Variants in LRTM2 observed in about 807,000 individuals in gnomAD.
The protein encoded by LRTM2 is leucine-rich repeat and transmembrane domain-containing protein 2.
Under a neutral mutation model 28.1 loss-of-function variants are expected in LRTM2, and 18 were observed. The observed-to-expected ratio is 0.64, with a 90% CI of 0.44 to 0.95. The LOEUF is 0.95. Ranked by LOEUF, LRTM2 falls within the 40% of genes least tolerant of loss-of-function variation. The pLI is 0.00. For missense variants in LRTM2, 436 were observed against 497.2 expected, an observed-to-expected ratio of 0.88 and a Z score of 1.17; for synonymous variants, 250 against 218.7, an observed-to-expected ratio of 1.14 and a Z score of -1.26.
At chr12:1,827,345 T>A (rs1864382896) in intron 1 of LRTM2, 65 bp from the exon 2 acceptor site, 1 of 152,866 alleles carries the variant, frequency 6.5e-6, no homozygotes, top group Non-Finnish European at 1.5e-5. Context: ...TCCTGCGCCC[T>A]GGCTGCCTCA....
intron 2 of LRTM2, chr12:1,827,849 A>G (rs1040624605): frequency 7.8e-5 from 28 of 357,678 alleles, no homozygotes; most frequent in Non-Finnish European, 2.5e-5. Context: ...GCTTTGCGGC[A>G]CTGTGCCCGA....
rs1469389297 is a variant in LRTM2, at chr12:1,829,406, G to A, written c.67+1191G>A. On this transcript the variant is annotated intron_variant, in intron 3 of 4. Transcript: ENST00000299194. This position sits in a 1 kb window ranked among gnomAD's most constrained non-coding sequence, Gnocchi z 4.2. ...CGGGCTCAGAGGGGTGAGAGGGTGAGCGGAGACATGAGGTAACCCAAGATG... is the reference window on the plus strand; with the variant it reads ...CGGGCTCAGAGGGGTGAGAGGGTGAACGGAGACATGAGGTAACCCAAGATG... Among the ~76,000 whole-genome samples the A allele has an allele frequency of 1.3e-5, 2 of 152,096 alleles. No homozygotes were observed. Among genetic ancestry groups the A allele is most frequent in the African/African-American group, 4.8e-5 (2 of 41,418 alleles).
At position 1,828,022 on chromosome 12, in the gene LRTM2, G is replaced by C. The variant is rs968017823; in HGVS notation, c.-73-54G>C. The C allele has an allele frequency of 6.4e-6, 5 of 777,426 alleles. No individual in the cohort carries two copies. Among genetic ancestry groups the C allele is most frequent in the Middle Eastern group, 3.9e-4 (1 of 2,540 alleles). The allele number at this position is 777,426 out of a possible 1,614,324, so 48.2% of individuals were successfully genotyped here. A position where few individuals can be genotyped will look rare whatever the true frequency, so the allele number is the denominator to read the frequency against. On this transcript the variant is annotated intron_variant, in intron 2 of 4. Transcript: ENST00000299194. This position sits in a 1 kb window ranked among gnomAD's most constrained non-coding sequence, Gnocchi z 4.2. Reference sequence around the variant, plus strand: ...ACCCGGGCCCTCTCCCTAACCCCTGGGCTGGAACGGGGCTCCCGCGCCTGC... The same window carrying C: ...ACCCGGGCCCTCTCCCTAACCCCTGCGCTGGAACGGGGCTCCCGCGCCTGC...
At chr12:1,824,551 T>C (rs1864239511) in intron 1 of LRTM2, among the ~76,000 whole-genome samples, 1 of 152,160 alleles carries the variant, frequency 6.6e-6, no homozygotes, top group Non-Finnish European at 1.5e-5. Flanking sequence ...AGGACTGGGT[T>C]AGGAGCAGGC....
At position 1,821,523 on chromosome 12, in the gene LRTM2, C is replaced by T. The variant is rs966437210; in HGVS notation, c.-259+709C>T. ...AAGGGCAAGACAGGAGAACCAGGCC[C>T]GCGAGAACCTGCTGGGGTGTCCCGC... is the stretch of plus-strand genomic sequence containing the variant. On this transcript the variant is annotated intron_variant, in intron 1 of 4. Coordinates refer to ENST00000299194, the MANE Select transcript of LRTM2 (RefSeq NM_001039029.3). Among the ~76,000 whole-genome samples, 8 of 152,172 alleles carry T rather than the reference C, an allele frequency of 5.3e-5. No individual in the cohort carries two copies. In the East Asian group the frequency reaches 7.7e-4, roughly 15 times the overall value.
intron 1 of LRTM2, chr12:1,821,944 G>C (rs895244024): frequency 6.6e-6 from 1 of 152,028 alleles, no homozygotes; most frequent in Non-Finnish European, 1.5e-5. Flanking sequence ...TTAGATAACT[G>C]CCTCAGGTGG....
At position 1,834,878 on chromosome 12, in the gene LRTM2, C is replaced by A. The variant is rs1864789670; in HGVS notation, c.*157C>A. ...CAAGCCACACCGGGTTCTCTCCCTG[C>A]ACTTTCGAGGCTCCCTGAAAGCCAC... On this transcript the variant is annotated 3_prime_UTR_variant, in exon 5 of 5. Coordinates refer to ENST00000299194, the MANE Select transcript of LRTM2 (RefSeq NM_001039029.3). This position sits in a 1 kb window ranked among gnomAD's most constrained non-coding sequence, Gnocchi z 7.6. 1.4e-5 allele frequency: 19 copies of A among 1,383,118 alleles called. No homozygotes were observed. The highest frequency in any genetic ancestry group is 1.7e-5 in the Non-Finnish European group (18 of 1,054,376). The allele number at this position is 1,383,118 out of a possible 1,614,324, so 85.7% of individuals were successfully genotyped here.
chr12:1,833,440 CCT>C lies in LRTM2; in HGVS notation c.659-824_659-823del, dbSNP rs2154447268. 6.6e-6 allele frequency among the ~76,000 whole-genome samples: 1 copy of C among 152,282 alleles called. No homozygotes were observed. Among genetic ancestry groups the C allele is most frequent in the Non-Finnish European group, 1.5e-5 (1 of 68,016 alleles). ...CAGCCCTGTCCTGCATCTGTGTCTC[CCT>C]CTGTCCAAGCCAGCCTCCACCATCA... On this transcript the variant is annotated intron_variant, in intron 4 of 4. Transcript: ENST00000299194. This position sits in a 1 kb window ranked among gnomAD's most constrained non-coding sequence, Gnocchi z 4.2.
intron 4 of LRTM2, among the ~76,000 whole-genome samples, chr12:1,832,590 C>T (rs1864682074): frequency 6.6e-6 from 1 of 152,178 alleles, no homozygotes. Context: ...TCTCCAGCCA[C>T]AATTTCAATT....
chr12:1,831,906 G>T (rs1864652912), intron 4 of LRTM2, among the ~76,000 whole-genome samples: 2 of 152,194 alleles, frequency 1.3e-5, no homozygotes, highest in African/African-American at 2.4e-5. Context: ...GGCTTCCCCA[G>T]TGTGGTAGAA....
chr12:1,835,982 CG>C lies in LRTM2; in HGVS notation c.*1263del, dbSNP rs1864843579. On this transcript the variant is annotated 3_prime_UTR_variant, in exon 5 of 5. Coordinates refer to ENST00000299194, the MANE Select transcript of LRTM2 (RefSeq NM_001039029.3). ...GAAAGCAGGTGGCAGGCAGAGAACA[CG>C]GTGGCTCCCCTGAGGCTCATTGCCT... is the stretch of plus-strand genomic sequence containing the variant. 6.6e-6 allele frequency: 1 copy of C among 152,344 alleles called. No individual in the cohort carries two copies. Among genetic ancestry groups the C allele is most frequent in the South Asian group, 2.1e-4 (1 of 4,836 alleles). 9.4% of individuals were successfully genotyped at this position (152,344 alleles called of 1,614,324 possible).
At position 1,830,953 on chromosome 12, in the gene LRTM2, C is replaced by T. The variant is rs1251813564; in HGVS notation, c.86C>T (p.Ala29Val). The T allele has an allele frequency of 5.6e-6, 9 of 1,610,016 alleles. No homozygotes were observed. Among genetic ancestry groups the T allele is most frequent in the Non-Finnish European group, 6.8e-6 (8 of 1,177,330 alleles). The change falls in exon 4 of 5, where the codon GCC becomes GTC. Residue 29 changes from alanine (A) to valine (V), a missense_variant. Coordinates refer to ENST00000299194, the MANE Select transcript of LRTM2 (RefSeq NM_001039029.3). ...CACCAAGGGATCACCTGCTGGATCG[C>T]CCTGTATGCTGTGGAGGCCCTCCCC... ...RQVSWITCWI[A>V]LYAVEALPTC...
rs540612893 is a variant in LRTM2 at position 1,829,167 on chromosome 12, T to TGGG, written c.67+956_67+958dup. On this transcript the variant is annotated intron_variant, in intron 3 of 4. Coordinates refer to ENST00000299194, the MANE Select transcript of LRTM2 (RefSeq NM_001039029.3). The surrounding 1 kb of genome is among the most constrained non-coding windows in gnomAD (Gnocchi z 4.2). ...TATGCCACCTTGATCTCCAGGGAGG[T>TGGG]GGGGGGCGCAGGGAGTCGCTCTTCC... Among the ~76,000 whole-genome samples, 26 of 151,868 alleles carry TGGG rather than the reference T, an allele frequency of 1.7e-4. No homozygotes were observed. The highest frequency in any genetic ancestry group is 5.3e-4 in the African/African-American group (22 of 41,388).
At chr12:1,827,928 C>T in intron 2 of LRTM2, 148 bp from the exon 3 acceptor site, 1 of 414,000 alleles carries the variant, frequency 2.4e-6, no homozygotes, top group Non-Finnish European at 4.2e-6. Flanking sequence ...TTCCTGGCTC[C>T]TCTTCTTCCC....
intron 1 of LRTM2, among the ~76,000 whole-genome samples, chr12:1,825,229 C>G (rs1247737960): frequency 6.6e-6 from 1 of 152,166 alleles, no homozygotes; most frequent in East Asian, 1.9e-4. Context: ...GTGGGAGACA[C>G]TGAGGGATGG....
Position 1,833,132 on chromosome 12 carries a change from C to T in LRTM2, c.659-1135C>T, listed in dbSNP as rs1001581618. 7.2e-5 allele frequency among the ~76,000 whole-genome samples: 11 copies of T among 152,184 alleles called. No homozygotes were observed. The highest frequency in any genetic ancestry group is 1.3e-4 in the Non-Finnish European group (9 of 68,026). On this transcript the variant is annotated intron_variant, in intron 4 of 4. Transcript: ENST00000299194. This position sits in a 1 kb window ranked among gnomAD's most constrained non-coding sequence, Gnocchi z 4.2. ...TGCAGTTTTCAGACTTTTTCAATAG[C>T]GGAGTTGCTTTCAACATTGCATTTC...
chr12:1,825,004 A>G (rs1864257901), intron 1 of LRTM2, among the ~76,000 whole-genome samples: 1 of 152,190 alleles, frequency 6.6e-6, no homozygotes, highest in Non-Finnish European at 1.5e-5. Flanking sequence ...ATCCGCATGA[A>G]CCTGGGGGCC....
At chr12:1,826,088 G>A (rs1309166596) in intron 1 of LRTM2, among the ~76,000 whole-genome samples, 2 of 152,132 alleles carry the variant, frequency 1.3e-5, no homozygotes, top group Admixed American at 1.3e-4. Flanking sequence ...ACCTCACAGG[G>A]GAGGTTGGTG....
Position 1,834,538 on chromosome 12 carries a change from G to A in LRTM2, c.930G>A (p.Thr310=), listed in dbSNP as rs1341507822. 6.9e-6 allele frequency: 11 copies of A among 1,604,528 alleles called. No individual in the cohort carries two copies. The highest frequency in any genetic ancestry group is 4.4e-5 in the South Asian group (4 of 91,084). Residue 310 remains threonine, a synonymous_variant, in exon 5 of 5, where the codon ACG becomes ACA. Coordinates refer to ENST00000299194, the MANE Select transcript of LRTM2 (RefSeq NM_001039029.3). The surrounding 1 kb of genome is among the most constrained non-coding windows in gnomAD (Gnocchi z 7.6). The part of the protein sequence containing the change: ...RPASVRRAMG[T]VIIAGVVCGV... ...CGAGCGTGAGGCGAGCCATGGGCAC[G>A]GTGATCATTGCAGGGGTCGTGTGCG... is the stretch of plus-strand genomic sequence containing the variant.
Sources: gnomAD v4.1 joint callset for allele counts (sites outside exome capture counted in the v4.1 genomes callset) on GRCh38, gnomAD v4.1.1 for gene constraint, Gnocchi (gnomAD v3.1) non-coding constraint, MANE v1.5 for transcripts, NCBI Gene and HGNC (gene_info 2026-07-23, HGNC 2026-07-21) for gene names.